Variants in LPP observed in about 807,000 individuals in gnomAD.
LPP encodes the protein lipoma-preferred partner.
A neutral mutation model predicts 60.4 loss-of-function variants in LPP; 38 were observed. The ratio of observed to expected loss-of-function variants is 0.63; its 90% CI spans 0.49 to 0.83. The LOEUF is 0.83. Ranked by LOEUF, LPP falls within the 40% of genes least tolerant of loss-of-function variation. The pLI is 0.00. For missense variants in LPP, 902 were observed against 783.6 expected (o/e 1.15, Z -1.80); for synonymous variants, 328 against 290.8 (o/e 1.13, Z -1.30).
chr3:188,589,270 A>G (rs1169781050), intron 6 of LPP, among the ~76,000 whole-genome samples: 1 of 152,124 alleles, frequency 6.6e-6, no homozygotes, highest in East Asian at 1.9e-4. Flanking sequence ...CACAAATAAG[A>G]AATGCATTTA....
In LPP at chr3:188,346,553, C is replaced by T. The variant is rs149901099; in HGVS notation, c.-10+4834C>T. Among the ~76,000 whole-genome samples, 237 of 152,016 alleles carry T rather than the reference C, an allele frequency of 1.6e-3. 1 individual carries two copies. Among genetic ancestry groups the T allele is most frequent in the African/African-American group, 5.5e-3 (226 of 41,458 alleles). Reference sequence around the variant, plus strand: ...TGCTGGGATTACAGGTGTGAGCCACCGTGCCTGGCCTAAAGTAGTAGTTCT... The same window carrying T: ...TGCTGGGATTACAGGTGTGAGCCACTGTGCCTGGCCTAAAGTAGTAGTTCT... On this transcript the variant is annotated intron_variant, in intron 3 of 11. Transcript: ENST00000617246.
chr3:188,384,783 C>T (rs13080752), intron 3 of LPP, among the ~76,000 whole-genome samples: 66,526 of 125,676 alleles, frequency 0.53, 16,049 homozygotes, highest in East Asian at 0.72. Context: ...GAGCGAGACT[C>T]TGTCTCAAAA....
rs143458304 is a variant in LPP, at chr3:188,515,290, A to G, written c.307-9375A>G. 2.7e-3 allele frequency among the ~76,000 whole-genome samples: 415 copies of G among 152,112 alleles called. 3 individuals carry two copies. The highest frequency in any genetic ancestry group is 4.6e-3 in the Non-Finnish European group (316 of 67,986). The stretch of plus-strand genomic sequence containing the variant: ...TTAGAGAGTGTGGTACCTCTCCCCA[A>G]GCCTTGTTCCTCCTCTCGCCATATG... On this transcript the variant is annotated intron_variant, in intron 5 of 11. Coordinates refer to ENST00000617246, the MANE Select transcript of LPP (RefSeq NM_001375462.1).
Position 188,820,528 on chromosome 3 carries a change from C to T in LPP, c.1411-45672C>T, listed in dbSNP as rs1577770897. Among the ~76,000 whole-genome samples, 3 of 152,162 alleles carry T rather than the reference C, an allele frequency of 2.0e-5. No homozygotes were observed. The East Asian group carries it at 5.8e-4, about 29-fold the overall frequency. On this transcript the variant is annotated intron_variant, in intron 9 of 11. Coordinates refer to ENST00000617246, the MANE Select transcript of LPP (RefSeq NM_001375462.1). ...CACACCAATGTTCTTGTCCAAAAGC[C>T]TACTTTCATATATGTGAATGTGAAT...
At chr3:188,362,390 T>A (rs1337030637) in intron 3 of LPP, among the ~76,000 whole-genome samples, 1 of 152,196 alleles carries the variant, frequency 6.6e-6, no homozygotes, top group East Asian at 1.9e-4. Flanking sequence ...TTACTGGATA[T>A]CCTTTTTGCC....
chr3:188,369,840 C>T (rs9851967), intron 3 of LPP, among the ~76,000 whole-genome samples: 52,949 of 152,030 alleles, frequency 0.35, 10,757 homozygotes, highest in Middle Eastern at 0.62. Context: ...GAATCACAGA[C>T]TCAGGTTGGA....
chr3:188,222,002 A>T (rs1715960924), intron 1 of LPP, among the ~76,000 whole-genome samples: 1 of 152,182 alleles, frequency 6.6e-6, no homozygotes, highest in South Asian at 2.1e-4. Flanking sequence ...ATATTGGATG[A>T]GTGTCTAACT....
intron 9 of LPP, among the ~76,000 whole-genome samples, chr3:188,793,381 C>T (rs1744401809): frequency 6.6e-6 from 1 of 151,970 alleles, no homozygotes; most frequent in Non-Finnish European, 1.5e-5. Flanking sequence ...GGCGTTTTGT[C>T]ATGTTGGAGA....
intron 6 of LPP, among the ~76,000 whole-genome samples, chr3:188,548,117 C>T (rs1827152270): frequency 6.6e-6 from 1 of 152,160 alleles, no homozygotes; most frequent in African/African-American, 2.4e-5. Context: ...CAAAGCCCAG[C>T]CCCTGAGACT....
chr3:188,633,325 G>A (rs1848173613), intron 7 of LPP, among the ~76,000 whole-genome samples: 1 of 152,122 alleles, frequency 6.6e-6, no homozygotes, highest in Non-Finnish European at 1.5e-5. Context: ...ATGCTGTTGT[G>A]TTGTTTTGTC....
intron 1 of LPP, among the ~76,000 whole-genome samples, chr3:188,191,294 CA>C (rs2148996511): frequency 6.6e-6 from 1 of 152,316 alleles, no homozygotes; most frequent in African/African-American, 2.4e-5. Context: ...CTGTTTTTAA[CA>C]GTTTGGTTAA....
intron 9 of LPP, among the ~76,000 whole-genome samples, chr3:188,778,455 A>G (rs1738526122): frequency 6.6e-6 from 1 of 152,208 alleles, no homozygotes; most frequent in Non-Finnish European, 1.5e-5. Context: ...GGTCTAAAAG[A>G]TACTTCTTTC....
intron 4 of LPP, among the ~76,000 whole-genome samples, chr3:188,424,515 G>C (rs1018607796): frequency 6.6e-6 from 1 of 152,090 alleles, no homozygotes; most frequent in Non-Finnish European, 1.5e-5. Flanking sequence ...GCTTGATGGG[G>C]ATAGCATTGA....
At chr3:188,540,224 A>T (rs1471366859) in intron 6 of LPP, among the ~76,000 whole-genome samples, 3 of 152,086 alleles carry the variant, frequency 2.0e-5, no homozygotes, top group African/African-American at 7.2e-5. Context: ...GAATTAGATG[A>T]TCTCTCATGC....
chr3:188,670,457 T>G (rs977944104), intron 7 of LPP, among the ~76,000 whole-genome samples: 2 of 151,904 alleles, frequency 1.3e-5, no homozygotes, highest in East Asian at 1.9e-4. Context: ...CTCTTTTTTT[T>G]TTTTTGTTTT....
At chr3:188,782,777 C>T (rs1487676821) in intron 9 of LPP, among the ~76,000 whole-genome samples, 1 of 151,758 alleles carries the variant, frequency 6.6e-6, no homozygotes, top group African/African-American at 2.4e-5. Context: ...ATAATCATAT[C>T]ATTATAAGTT....
intron 8 of LPP, among the ~76,000 whole-genome samples, chr3:188,753,498 A>G (rs535586929): frequency 6.6e-6 from 1 of 150,446 alleles, no homozygotes; most frequent in South Asian, 2.1e-4. Context: ...ACTTCATCTC[A>G]TCTGGTTTGC....
chr3:188,858,429 G>A (rs1305830324), intron 9 of LPP, among the ~76,000 whole-genome samples: 2 of 152,148 alleles, frequency 1.3e-5, no homozygotes, highest in African/African-American at 4.8e-5. Context: ...GCATTTTAAA[G>A]TAAAATATTA....
chr3:188,866,628 T>C (rs1253607883), intron 10 of LPP, among the ~76,000 whole-genome samples: 2 of 152,200 alleles, frequency 1.3e-5, no homozygotes, highest in Admixed American at 1.3e-4. Flanking sequence ...TGGGTAATTC[T>C]AATGACGAAA....
Sources: allele counts gnomAD v4.1 joint callset (sites outside exome capture counted in the v4.1 genomes callset), GRCh38; gene constraint gnomAD v4.1.1; transcripts MANE v1.5; gene names NCBI Gene and HGNC (gene_info 2026-07-23, HGNC 2026-07-21).